COPB2: variants seen among roughly 807,000 people sequenced by gnomAD.
COPB2 encodes coat protein complex I subunit beta 2.
COPB2 carries 16 observed loss-of-function variants against 120.8 expected under a neutral mutation model. The observed-to-expected ratio is 0.13, with a 90% CI of 0.09 to 0.20. COPB2 has a LOEUF of 0.20. Ranked by LOEUF, COPB2 falls within the 10% of genes least tolerant of loss-of-function variation. The pLI is 1.00. For missense variants in COPB2, 794 were observed against 1,076.5 expected (o/e 0.74, Z 3.67); for synonymous variants, 332 against 366.3 (o/e 0.91, Z 1.07).
chr3:139,366,329 C>T (rs1025062912), intron 15 of COPB2, among the ~76,000 whole-genome samples: 5 of 151,638 alleles, frequency 3.3e-5, no homozygotes, highest in Admixed American at 6.6e-5. Flanking sequence ...AAAATAAGTG[C>T]ACAGAAAAGG....
At chr3:139,374,456 T>A in intron 7 of COPB2, 33 bp downstream of exon 7, 1 of 1,554,390 alleles carries the variant, frequency 6.4e-7, no homozygotes, top group Non-Finnish European at 8.9e-7. Context: ...GAGTAGTTAC[T>A]AGCACAGGAA....
In COPB2 at chr3:139,373,218, A is replaced by G. The variant is rs1387843299; in HGVS notation, c.1089T>C (p.Asn363=). The G allele has an allele frequency of 5.6e-6, 9 of 1,613,862 alleles. No individual in the cohort carries two copies. The Admixed American group carries it at 1.3e-4, about 24-fold the overall frequency. The change falls in exon 9 of 22, where the codon AAT becomes AAC. Residue 363 remains asparagine, a synonymous_variant. Coordinates refer to ENST00000333188, the MANE Select transcript of COPB2 (RefSeq NM_004766.3). ...CAATTTTGGTGATGGCTTACCGCCC[A>G]TTAGGATTGTGCTGAATAGTCTGAG... The part of the protein sequence containing the change: ...IYPQTIQHNP[N]GRFVVVCGDG...
intron 13 of COPB2, 73 bp downstream of exon 13, chr3:139,368,072 A>G (rs1321352645): frequency 6.8e-7 from 1 of 1,471,276 alleles, no homozygotes. Flanking sequence ...TGTTAAAATC[A>G]GTAAAGTCTG....
At chr3:139,373,844 A>G in intron 7 of COPB2, 36 bp from the exon 8 acceptor site, 1 of 1,611,600 alleles carries the variant, frequency 6.2e-7, no homozygotes, top group South Asian at 1.1e-5. Context: ...CTTTTGATAC[A>G]AACATCCGAC....
intron 4 of COPB2, 21 bp from the exon 5 acceptor site, chr3:139,378,210 A>C: frequency 4.6e-6 from 7 of 1,514,986 alleles, no homozygotes; most frequent in Non-Finnish European, 6.3e-6. Flanking sequence ...AGAAAGTCTC[A>C]AGTTAGTTGT....
rs779099429 is a variant in COPB2 at position 139,362,400 on chromosome 3, T to C, written c.1995+7A>G. 8.8e-6 allele frequency: 14 copies of C among 1,594,194 alleles called. No individual in the cohort carries two copies. In the Admixed American group the frequency reaches 2.4e-4, roughly 27 times the overall value. ...TCAGTTATGAAAAATCATGAATTAG[T>C]ACATACCTCTGCTTCCACTGCTAAC... On this transcript the variant is annotated splice_region_variant and intron_variant, in intron 16 of 21. Transcript: ENST00000333188.
intron 9 of COPB2, among the ~76,000 whole-genome samples, chr3:139,372,973 T>C (rs1172093365): frequency 1.3e-5 from 2 of 152,174 alleles, no homozygotes; most frequent in Non-Finnish European, 2.9e-5. Context: ...GAAACTACTA[T>C]TTAACTATTC....
chr3:139,386,471 C>G (rs942448150), intron 1 of COPB2, among the ~76,000 whole-genome samples: 1 of 152,048 alleles, frequency 6.6e-6, no homozygotes. Flanking sequence ...AGGCTGGTCT[C>G]GAACTCCTCT....
Position 139,378,137 on chromosome 3 carries a change from T to G in COPB2, c.408A>C (p.Gln136His), listed in dbSNP as rs748203817. 6 of 1,587,788 alleles carry G rather than the reference T, an allele frequency of 3.8e-6. No individual in the cohort carries two copies. In the African/African-American group the frequency reaches 8.0e-5, roughly 21 times the overall value. The change falls in exon 5 of 22, where the codon CAA becomes CAC. Residue 136 changes from glutamine to histidine, a missense_variant. Physicochemically the swap from Gln to His is conservative, Grantham distance 24. Transcript: ENST00000333188. ...WDWDKKWSCS[Q>H]VFEGHTHYVM... is the part of the protein sequence containing the mutation. ...CATAATGGGTGTGTCCTTCAAACAC[T>G]TGTGAGCAAGACCATTTTTTATCCC...
At chr3:139,359,982 C>A (rs1941379558) in intron 17 of COPB2, among the ~76,000 whole-genome samples, 1 of 151,990 alleles carries the variant, frequency 6.6e-6, no homozygotes, top group African/African-American at 2.4e-5. Context: ...AAAAATGTAC[C>A]AAGTTGGTAT....
At position 139,361,160 on chromosome 3, in the gene COPB2, T is replaced by C; in HGVS notation, c.2131A>G (p.Met711Val). The change falls in exon 17 of 22, where the codon ATG (methionine) becomes GTG (valine). Residue 711 changes from methionine (M) to valine (V), a missense_variant. Physicochemically the swap from Met to Val is conservative, Grantham distance 21. Coordinates refer to ENST00000333188, the MANE Select transcript of COPB2 (RefSeq NM_004766.3). ...LLATASGNAN[M>V]VNKLAEGAER... The stretch of plus-strand genomic sequence containing the variant: ...GCACCCTCTGCTAGCTTGTTCACCA[T>C]ATTAGCATTTCCAGAGGCAGTGGCC... 6.2e-7 allele frequency: 1 copy of C among 1,614,240 alleles called. No homozygotes were observed. Among genetic ancestry groups the C allele is most frequent in the East Asian group, 2.2e-5 (1 of 44,894 alleles).
intron 12 of COPB2, among the ~76,000 whole-genome samples, chr3:139,368,772 G>A (rs1199969331): frequency 6.6e-6 from 1 of 152,162 alleles, no homozygotes; most frequent in African/African-American, 2.4e-5. Context: ...GAGGATGCGT[G>A]CTCTAGAACC....
chr3:139,387,592 C>T (rs1576381883), intron 1 of COPB2, among the ~76,000 whole-genome samples: 2 of 152,176 alleles, frequency 1.3e-5, no homozygotes, highest in African/African-American at 4.8e-5. Context: ...TCTTTTCTTG[C>T]TTTCTAGAGT....
intron 13 of COPB2, 83 bp downstream of exon 13, chr3:139,368,062 T>C: frequency 7.0e-7 from 1 of 1,424,540 alleles, no homozygotes; most frequent in African/African-American, 1.4e-5. Flanking sequence ...TATAACGAAA[T>C]GTTAAAATCA....
In COPB2 at chr3:139,389,567, TC is replaced by T. The variant is rs1290385487; in HGVS notation, c.-18del. ...ACCTACCATGGCTGCGTCGGTCCAATCCCGGGAACCCTCGTTTGTTACCGGC... is the reference window on the plus strand; with the variant it reads ...ACCTACCATGGCTGCGTCGGTCCAATCCGGGAACCCTCGTTTGTTACCGGC... On this transcript the variant is annotated 5_prime_UTR_variant, in exon 1 of 22. Coordinates refer to ENST00000333188, the MANE Select transcript of COPB2 (RefSeq NM_004766.3). 1 of 1,573,230 alleles carries T rather than the reference TC, an allele frequency of 6.4e-7. No homozygotes were observed. The highest frequency in any genetic ancestry group is 1.4e-5 in the African/African-American group (1 of 73,932).
intron 2 of COPB2, chr3:139,382,192 G>C (rs1941828444): frequency 6.6e-6 from 1 of 152,232 alleles, no homozygotes; most frequent in African/African-American, 2.4e-5. Flanking sequence ...ACCCTGGTGG[G>C]AGGTGATTGG....
intron 1 of COPB2, among the ~76,000 whole-genome samples, chr3:139,387,935 G>C (rs1418500876): frequency 1.3e-5 from 2 of 152,144 alleles, no homozygotes; most frequent in Non-Finnish European, 1.5e-5. Context: ...CAGCTGCTGT[G>C]AGAATTAGGC....
chr3:139,364,103 A>G (rs1372663964), intron 15 of COPB2, among the ~76,000 whole-genome samples: 1 of 152,234 alleles, frequency 6.6e-6, no homozygotes, highest in Admixed American at 6.5e-5. Flanking sequence ...AAACAGTAAC[A>G]AAAGTTTGGA....
At position 139,359,045 on chromosome 3, in the gene COPB2, C is replaced by T. The variant is rs758715374; in HGVS notation, c.2437G>A (p.Glu813Lys). 7.4e-6 allele frequency: 12 copies of T among 1,613,900 alleles called. No individual in the cohort carries two copies. Among genetic ancestry groups the T allele is most frequent in the Non-Finnish European group, 9.3e-6 (11 of 1,179,986 alleles). ...GCTGGCCACAGATCAGCATGTGTTT[C>T]CTTCACCCATTCTTCAACAACAAAG... ...EAFVVEEWVKETHADLWPAKQ... is the reference protein window; with the variant it reads ...EAFVVEEWVKKTHADLWPAKQ... Residue 813 changes from glutamate to lysine, a missense_variant, in exon 19 of 22, where the codon GAA (glutamate) becomes AAA (lysine). By Grantham distance (56) the Glu-to-Lys change is moderately conservative. This residue lies in a region of COPB2 where 178 missense variants were observed against 183.2 expected (regional missense o/e 0.97). Coordinates refer to ENST00000333188, the MANE Select transcript of COPB2 (RefSeq NM_004766.3).
Sources: gnomAD v4.1 joint callset for allele counts (sites outside exome capture counted in the v4.1 genomes callset) on GRCh38, gnomAD v4.1.1 for gene constraint, gnomAD v4.1.1 regional missense constraint, MANE v1.5 for transcripts, NCBI Gene and HGNC (gene_info 2026-07-23, HGNC 2026-07-21) for gene names.